The following RGP1 variants were observed in gnomAD, a reference collection of about 807,000 sequenced individuals.
RGP1 encodes the protein RGP1 partner of RAB6A GEF complex.
Under a neutral mutation model 44.5 loss-of-function variants are expected in RGP1, and 28 were observed. The observed-to-expected ratio is 0.63, with a 90% CI of 0.47 to 0.86. The LOEUF is 0.86. Ranked by LOEUF, RGP1 falls within the 40% of genes least tolerant of loss-of-function variation. The pLI is 0.00. For synonymous variants in RGP1, 212 were observed against 196.7 expected (o/e 1.08, Z -0.65); for missense variants, 417 against 490.7 (o/e 0.85, Z 1.42).
chr9:35,764,362 TTCC>T, the RGP1 span, among the ~76,000 whole-genome samples: 8 of 152,358 alleles, frequency 5.3e-5, no homozygotes, highest in African/African-American at 1.9e-4. Flanking sequence ...GAACTCATTC[TTCC>T]GGTATGTTTC....
Position 35,750,944 on chromosome 9 carries a change from C to T in RGP1, c.442C>T (p.Pro148Ser). Residue 148 changes from proline to serine, a missense_variant, in exon 5 of 9, where the codon CCT becomes TCT. Pro to Ser is a moderately conservative substitution (Grantham distance 74). Transcript: ENST00000378078. ...LTIGCQRVNSPITLLRVPLRV... is the reference protein window; with the variant it reads ...LTIGCQRVNSSITLLRVPLRV... ...CATTGGCTGCCAGCGTGTCAACTCC[C>T]CTATCACTTTACTCAGAGTCCCTCT... The T allele has an allele frequency of 2.5e-6, 4 of 1,614,012 alleles. No individual in the cohort carries two copies. The highest frequency in any genetic ancestry group is 3.4e-6 in the Non-Finnish European group (4 of 1,179,888).
rs1350186552 is a variant in RGP1 at position 35,757,108 on chromosome 9, CG to C, written c.*4237del. Reference sequence around the variant, plus strand: ...GGAAAACATCCGCCGGAGGCCCGGCCGGGCGGCGCTCCAGCCTCGGGGCAGG... The same window carrying C: ...GGAAAACATCCGCCGGAGGCCCGGCCGGCGGCGCTCCAGCCTCGGGGCAGG... On this transcript the variant is annotated 3_prime_UTR_variant, in exon 9 of 9. Coordinates refer to ENST00000378078, the MANE Select transcript of RGP1 (RefSeq NM_001080496.3). The C allele has an allele frequency of 6.6e-6, 1 of 152,250 alleles. No individual in the cohort carries two copies. Among genetic ancestry groups the C allele is most frequent in the Non-Finnish European group, 1.5e-5 (1 of 68,130 alleles). 9.4% of individuals were successfully genotyped at this position (152,250 alleles called of 1,614,324 possible). A position where few individuals can be genotyped will look rare whatever the true frequency, so the allele number is the denominator to read the frequency against.
chr9:35,766,226 GT>G, the RGP1 span, among the ~76,000 whole-genome samples: 1 of 146,324 alleles, frequency 6.8e-6, no homozygotes, highest in African/African-American at 2.5e-5. Flanking sequence ...TTTTCCTAAT[GT>G]TTAATGACAT....
chr9:35,750,196 G>A (rs764108509), intron 2 of RGP1, 47 bp from the exon 3 acceptor site: 2 of 1,587,626 alleles, frequency 1.3e-6, no homozygotes, highest in Non-Finnish European at 1.7e-6. Flanking sequence ...GAAAGCATTT[G>A]TGAGGTCAGG....
the RGP1 span, among the ~76,000 whole-genome samples, chr9:35,776,001 A>G: frequency 6.6e-6 from 1 of 152,196 alleles, no homozygotes; most frequent in Non-Finnish European, 1.5e-5. Context: ...GGTTAGCTTA[A>G]GGCCTAGATT....
the RGP1 span, among the ~76,000 whole-genome samples, chr9:35,765,165 A>G: frequency 6.6e-6 from 1 of 152,008 alleles, no homozygotes; most frequent in Admixed American, 6.5e-5. Flanking sequence ...GCTGAGCAAT[A>G]ATTCATTGTA....
At chr9:35,779,904 T>TA in the RGP1 span, among the ~76,000 whole-genome samples, 16 of 151,534 alleles carry the variant, frequency 1.1e-4, no homozygotes, top group Non-Finnish European at 1.9e-4. Flanking sequence ...CTCGGCTAAT[T>TA]AAAAAAAAAT....
At chr9:35,751,915 A>T (rs750492818) in intron 7 of RGP1, 41 bp from the exon 8 acceptor site, 2 of 1,558,596 alleles carry the variant, frequency 1.3e-6, no homozygotes, top group East Asian at 4.5e-5. Context: ...TCACCTACAG[A>T]CAGCACTTCC....
Position 35,751,332 on chromosome 9 carries a change from A to T in RGP1, c.554A>T (p.Asp185Val). Reference protein sequence around the residue: ...VAPSSPFLEEDEGGKKDSWLA... With the variant: ...VAPSSPFLEEVEGGKKDSWLA... Reference sequence around the variant, plus strand: ...CCATCCAGTCCATTCTTGGAGGAGGATGAAGGTGGGAAGAAAGATTCATGG... The same window carrying T: ...CCATCCAGTCCATTCTTGGAGGAGGTTGAAGGTGGGAAGAAAGATTCATGG... Residue 185 changes from aspartate (D) to valine (V), a missense_variant, in exon 6 of 9, where the codon GAT becomes GTT. Transcript: ENST00000378078. 1.2e-6 allele frequency: 2 copies of T among 1,613,940 alleles called. No homozygotes were observed. The highest frequency in any genetic ancestry group is 1.6e-4 in the Middle Eastern group (1 of 6,062).
the RGP1 span, among the ~76,000 whole-genome samples, chr9:35,770,492 G>GGAGAGAGAGA: frequency 0.012 from 1,237 of 106,986 alleles, 72 homozygotes; most frequent in African/African-American, 0.018. Context: ...GTATTACCAT[G>GGAGAGAGAGA]GAGAGAGAGA....
the RGP1 span, among the ~76,000 whole-genome samples, chr9:35,781,450 C>A: frequency 3.7e-4 from 55 of 150,414 alleles, 1 homozygote; most frequent in East Asian, 0.011. Context: ...GGGGAAGGGG[C>A]ATTTTCTTGG....
chr9:35,770,492 G>GGAGAGA, the RGP1 span, among the ~76,000 whole-genome samples: 2,219 of 106,880 alleles, frequency 0.021, 114 homozygotes, highest in East Asian at 0.024. Context: ...GTATTACCAT[G>GGAGAGA]GAGAGAGAGA....
the RGP1 span, among the ~76,000 whole-genome samples, chr9:35,785,518 G>C: frequency 6.6e-6 from 1 of 151,948 alleles, no homozygotes. Flanking sequence ...GCCTCCAAGG[G>C]GGACCATTTA....
chr9:35,774,382 C>T, the RGP1 span, among the ~76,000 whole-genome samples: 2 of 152,172 alleles, frequency 1.3e-5, no homozygotes, highest in Non-Finnish European at 2.9e-5. Flanking sequence ...CCCAGCAAAG[C>T]AGTGGTACTA....
Position 35,750,375 on chromosome 9 carries a change from C to T in RGP1, c.249C>T (p.His83=). 2 of 1,613,892 alleles carry T rather than the reference C, an allele frequency of 1.2e-6. No individual in the cohort carries two copies. Among genetic ancestry groups the T allele is most frequent in the Non-Finnish European group, 8.5e-7 (1 of 1,179,846 alleles). ...QPDSQTVFLP[H]RGERGQCILS... is the part of the protein sequence containing the mutation. ...ACAGCCAGACTGTCTTTCTGCCACA[C>T]CGAGGTTAGAGAGGGGCATTTGCCT... The change falls in exon 3 of 9, where the codon CAC becomes CAT. Residue 83 remains histidine (H), a synonymous_variant. Transcript: ENST00000378078.
chr9:35,782,602 C>T, the RGP1 span, among the ~76,000 whole-genome samples: 3 of 151,616 alleles, frequency 2.0e-5, no homozygotes, highest in African/African-American at 7.3e-5. Context: ...CGTGCCATCG[C>T]GCCTGGCTAA....
chr9:35,750,262 A>G lies in RGP1; in HGVS notation c.136A>G (p.Ser46Gly), dbSNP rs747846587. 4 of 1,613,762 alleles carry G rather than the reference A, an allele frequency of 2.5e-6. No individual in the cohort carries two copies. Among genetic ancestry groups the G allele is most frequent in the African/African-American group, 2.7e-5 (2 of 74,952 alleles). ...CCACAGTGAGGCCCTGGCCTGGGCC[A>G]GTGCCCAAATCCACTGCCAGTTCCA... Reference protein sequence around the residue: ...SASSEALAWASAQIHCQFHAS... With the variant: ...SASSEALAWAGAQIHCQFHAS... The change falls in exon 3 of 9, where the codon AGT becomes GGT. Residue 46 changes from serine (S) to glycine (G), a missense_variant. Physicochemically the swap from Ser to Gly is moderately conservative, Grantham distance 56. Coordinates refer to ENST00000378078, the MANE Select transcript of RGP1 (RefSeq NM_001080496.3).
chr9:35,774,888 TG>T, the RGP1 span, among the ~76,000 whole-genome samples: 3 of 151,676 alleles, frequency 2.0e-5, no homozygotes, highest in South Asian at 2.1e-4. Flanking sequence ...CAAATTTTGG[TG>T]GGGGGGGCTT....
Position 35,752,731 on chromosome 9 carries a change from C to T in RGP1, c.1033C>T (p.Pro345Ser). 6.2e-7 allele frequency: 1 copy of T among 1,613,752 alleles called. No individual in the cohort carries two copies. The highest frequency in any genetic ancestry group is 1.1e-5 in the South Asian group (1 of 91,018). Residue 345 changes from proline to serine, a missense_variant, in exon 9 of 9, where the codon CCC becomes TCC. By Grantham distance (74) the Pro-to-Ser change is moderately conservative (BLOSUM62 -1). Coordinates refer to ENST00000378078, the MANE Select transcript of RGP1 (RefSeq NM_001080496.3). ...GLVLLPPVEQ[P>S]EPTTWTGPEQ... Reference sequence around the variant, plus strand: ...GGTACTCCTACCCCCTGTGGAACAGCCCGAACCTACCACCTGGACAGGACC... The same window carrying T: ...GGTACTCCTACCCCCTGTGGAACAGTCCGAACCTACCACCTGGACAGGACC...
Sources: allele counts gnomAD v4.1 joint callset (sites outside exome capture counted in the v4.1 genomes callset), GRCh38; gene constraint gnomAD v4.1.1; transcripts MANE v1.5; gene names NCBI Gene and HGNC (gene_info 2026-07-23, HGNC 2026-07-21).